The following TLN2 variants were observed in gnomAD, a reference collection of about 807,000 sequenced individuals.
TLN2 encodes talin-2.
A neutral mutation model predicts 294.7 loss-of-function variants in TLN2; 118 were observed. That is an observed-to-expected ratio of 0.40 (90% CI 0.34 to 0.47). The LOEUF (loss-of-function observed/expected upper bound fraction) is 0.47, where lower values mean the gene tolerates loss of function less well. Ranked by LOEUF, TLN2 falls within the 20% of genes least tolerant of loss-of-function variation. The probability of loss-of-function intolerance (pLI) is 0.84; values close to 1 mark genes in which losing one functional copy is unlikely to be tolerated. For synonymous variants in TLN2, 1,431 were observed against 1,304.5 expected, an observed-to-expected ratio of 1.10 and a Z score of -2.09; for missense variants, 3,083 against 3,282.2, an observed-to-expected ratio of 0.94 and a Z score of 1.48.
chr15:62,432,946 G>C (rs1458956090), intron 1 of TLN2, among the ~76,000 whole-genome samples: 1 of 152,124 alleles, frequency 6.6e-6, no homozygotes, highest in Non-Finnish European at 1.5e-5. Context: ...CAGGCATGGG[G>C]AGTACTCATC....
At chr15:62,590,668 G>C (rs936045402) in intron 2 of TLN2, among the ~76,000 whole-genome samples, 1 of 152,172 alleles carries the variant, frequency 6.6e-6, no homozygotes, top group South Asian at 2.1e-4. Context: ...GTAAACTTTG[G>C]TTGTAGATTA....
chr15:62,453,726 A>G (rs1346534430), intron 1 of TLN2: 1 of 152,224 alleles, frequency 6.6e-6, no homozygotes, highest in African/African-American at 2.4e-5. Context: ...CAACTGATAC[A>G]AAGCATCTGC....
intron 1 of TLN2, among the ~76,000 whole-genome samples, chr15:62,392,435 T>G (rs1295329645): frequency 6.6e-6 from 1 of 152,162 alleles, no homozygotes; most frequent in Non-Finnish European, 1.5e-5. Context: ...ACTTTTCCAT[T>G]AATAATACCT....
chr15:62,545,108 T>G (rs1487659776), intron 1 of TLN2, among the ~76,000 whole-genome samples: 1 of 151,962 alleles, frequency 6.6e-6, no homozygotes, highest in Admixed American at 6.5e-5. Flanking sequence ...TTTTTTTTTT[T>G]TTTGTATTTT....
At chr15:62,684,770 A>G (rs1328552053) in intron 11 of TLN2, among the ~76,000 whole-genome samples, 1 of 151,684 alleles carries the variant, frequency 6.6e-6, no homozygotes, top group African/African-American at 2.4e-5. Context: ...TGGCTTTACC[A>G]CTCACCACTG....
Position 62,820,604 on chromosome 15 carries a change from A to G in TLN2, c.6996A>G (p.Lys2332=), listed in dbSNP as rs1485299616. ...TAGAGCAACTGAAGCCAAGAGCAAA[A>G]CCAAAAGTAAGTGTTCATTTATGGT... ...KKLEQLKPRA[K]PKQADETLDF... Residue 2332 remains lysine, a synonymous_variant, in exon 54 of 59, where the codon AAA becomes AAG. Transcript: ENST00000636159. The G allele has an allele frequency of 1.2e-6, 2 of 1,612,818 alleles. No homozygotes were observed. The highest frequency in any genetic ancestry group is 1.7e-6 in the Non-Finnish European group (2 of 1,179,310).
intron 2 of TLN2, among the ~76,000 whole-genome samples, chr15:62,605,049 T>C (rs985419050): frequency 1.3e-5 from 2 of 151,540 alleles, no homozygotes; most frequent in African/African-American, 4.9e-5. Context: ...GGGAAGAAAA[T>C]CAAAGGTGAT....
At chr15:62,805,353 T>A (rs1186264146) in intron 50 of TLN2, among the ~76,000 whole-genome samples, 1 of 151,726 alleles carries the variant, frequency 6.6e-6, no homozygotes, top group Non-Finnish European at 1.5e-5. Context: ...AGGTTAACAC[T>A]CTAGATACGT....
chr15:62,754,144 T>A lies in TLN2; in HGVS notation c.4476+228T>A, dbSNP rs999704889. The A allele has an allele frequency of 7.3e-5, 35 of 478,876 alleles. No homozygotes were observed. In the Admixed American group the frequency reaches 1.4e-3, roughly 19 times the overall value. The allele number at this position is 478,876 out of a possible 1,614,324, so 29.7% of individuals were successfully genotyped here. ...ATGGGGTGCCAGAAGGCAAAAGGAG[T>A]GAAGTAATCACAGTGAGATTGACAA... On this transcript the variant is annotated intron_variant, in intron 36 of 58. Transcript: ENST00000636159.
intron 1 of TLN2, among the ~76,000 whole-genome samples, chr15:62,537,147 T>A (rs997810577): frequency 6.6e-6 from 1 of 151,804 alleles, no homozygotes; most frequent in African/African-American, 2.4e-5. Flanking sequence ...GCCTCCCGAG[T>A]AGCTGGGACT....
At chr15:62,536,847 G>C (rs1435195448) in intron 1 of TLN2, among the ~76,000 whole-genome samples, 1 of 152,172 alleles carries the variant, frequency 6.6e-6, no homozygotes, top group Non-Finnish European at 1.5e-5. Flanking sequence ...TTTGATATGT[G>C]TCATTATCAA....
At chr15:62,526,484 C>T (rs541451106) in intron 1 of TLN2, among the ~76,000 whole-genome samples, 9 of 152,338 alleles carry the variant, frequency 5.9e-5, no homozygotes, top group African/African-American at 2.2e-4. Flanking sequence ...CGCATCTCCT[C>T]ACAGTCCCTT....
intron 1 of TLN2, among the ~76,000 whole-genome samples, chr15:62,480,369 A>G (rs2038013678): frequency 6.6e-6 from 1 of 152,048 alleles, no homozygotes; most frequent in Non-Finnish European, 1.5e-5. Context: ...GCCCGCCACC[A>G]TGCCTGGCTA....
chr15:62,496,395 T>G (rs1378926020), intron 1 of TLN2, among the ~76,000 whole-genome samples: 1 of 152,208 alleles, frequency 6.6e-6, no homozygotes, highest in Non-Finnish European at 1.5e-5. Context: ...AGAGTTTCCC[T>G]TTCAGATAAG....
intron 2 of TLN2, among the ~76,000 whole-genome samples, chr15:62,605,990 C>T (rs116839423): frequency 0.017 from 2,592 of 152,284 alleles, 49 homozygotes; most frequent in South Asian, 0.069. Context: ...AGTAGTGTTA[C>T]ACCAGTGTCA....
At chr15:62,482,885 G>A (rs2038185335) in intron 1 of TLN2, among the ~76,000 whole-genome samples, 1 of 152,106 alleles carries the variant, frequency 6.6e-6, no homozygotes, top group Admixed American at 6.5e-5. Context: ...AGCCCTCCCT[G>A]AGGGCTTCTC....
At chr15:62,392,303 G>C (rs745561808) in intron 1 of TLN2, among the ~76,000 whole-genome samples, 3 of 152,296 alleles carry the variant, frequency 2.0e-5, no homozygotes, top group South Asian at 4.1e-4. Context: ...AGATGAGAGA[G>C]GAATGAACTG....
At chr15:62,505,872 G>C (rs1190157081) in intron 1 of TLN2, among the ~76,000 whole-genome samples, 2 of 152,236 alleles carry the variant, frequency 1.3e-5, no homozygotes, top group Admixed American at 1.3e-4. Context: ...TGCCTCTTTG[G>C]GTAGCCTGAA....
rs1596199682 is a variant in TLN2, at chr15:62,835,452, C to G, written c.7129-285C>G. 5.8e-6 allele frequency: 3 copies of G among 513,552 alleles called. No homozygotes were observed. The East Asian group carries it at 1.1e-4, about 18-fold the overall frequency. The allele number at this position is 513,552 out of a possible 1,614,324, so 31.8% of individuals were successfully genotyped here. On this transcript the variant is annotated intron_variant, in intron 55 of 58. Transcript: ENST00000636159. ...AGAAAGACAGCCCCAGGTCATCATTCCTGAGCCGTTTCCCAGAATTGCAGT... is the reference window on the plus strand; with the variant it reads ...AGAAAGACAGCCCCAGGTCATCATTGCTGAGCCGTTTCCCAGAATTGCAGT...
Sources: allele counts gnomAD v4.1 joint callset (sites outside exome capture counted in the v4.1 genomes callset), GRCh38; gene constraint gnomAD v4.1.1; transcripts MANE v1.5; gene names NCBI Gene and HGNC (gene_info 2026-07-23, HGNC 2026-07-21).